ZC3H12B: variants seen among roughly 807,000 people sequenced by gnomAD.
ZC3H12B encodes the protein zinc finger CCCH-type containing 12B, also known as probable ribonuclease ZC3H12B.
ZC3H12B carries 7 observed loss-of-function variants against 43.9 expected under a neutral mutation model. The ratio of observed to expected loss-of-function variants is 0.16; its 90% CI spans 0.09 to 0.30. The LOEUF is 0.30. Among genes scored for constraint, ZC3H12B ranks in the 10% least tolerant of loss-of-function variants. ZC3H12B has a pLI of 1.00. For missense variants in ZC3H12B, 475 were observed against 670.2 expected (o/e 0.71, Z 3.22); for synonymous variants, 222 against 241.7 (o/e 0.92, Z 0.76).
At chrX:65,487,850 C>T (rs779766396), upstream of ZC3H12B, among the ~76,000 whole-genome samples, 1 of 111,750 alleles carries the variant, frequency 8.9e-6, no homozygotes, top group Non-Finnish European at 1.9e-5. Flanking sequence ...GTAAGAGTAA[C>T]GCTGGAGAGC....
At chrX:65,275,857 A>T in the ZC3H12B span, among the ~76,000 whole-genome samples, 2 of 112,217 alleles carry the variant, frequency 1.8e-5, no homozygotes, top group Admixed American at 9.5e-5. Flanking sequence ...ATTGGAAAAT[A>T]TACACGATTT....
At chrX:65,272,948 T>C in the ZC3H12B span, 1 of 112,146 alleles carries the variant, frequency 8.9e-6, no homozygotes, top group Non-Finnish European at 1.9e-5. Context: ...CCTCTGTTGG[T>C]TTCAATTGGT....
chrX:65,239,900 G>GC, the ZC3H12B span, among the ~76,000 whole-genome samples: 1 of 110,804 alleles, frequency 9.0e-6, no homozygotes, highest in Non-Finnish European at 1.9e-5. Flanking sequence ...TTGAATATTG[G>GC]CCCCCCATCT....
the ZC3H12B span, chrX:65,271,283 G>A: frequency 8.9e-6 from 1 of 112,184 alleles, no homozygotes; most frequent in Admixed American, 9.4e-5. Flanking sequence ...ATTCTAGAAG[G>A]CTTTGGGAAA....
chrX:65,494,212 G>A lies in ZC3H12B; in HGVS notation c.609-2920G>A, dbSNP rs752738559. On this transcript the variant is annotated intron_variant, in intron 1 of 4. Transcript: ENST00000338957. ...TCTTTATATTTTATGTATTTTCCAC[G>A]TTTTATACTATAACCATATATTACA... Among the ~76,000 whole-genome samples the A allele has an allele frequency of 6.3e-5, 7 of 110,381 alleles. No homozygotes were observed. The East Asian group carries it at 8.5e-4, about 13-fold the overall frequency.
the ZC3H12B span, among the ~76,000 whole-genome samples, chrX:65,288,985 T>A: frequency 9.0e-6 from 1 of 110,867 alleles, no homozygotes; most frequent in Non-Finnish European, 1.9e-5. Context: ...GACAATCCCA[T>A]TTACAATAGC....
the ZC3H12B span, among the ~76,000 whole-genome samples, chrX:65,296,359 CAG>C: frequency 1.8e-5 from 2 of 110,726 alleles, no homozygotes; most frequent in African/African-American, 3.3e-5. Flanking sequence ...GGGGAAAGGG[CAG>C]AGACTGGCGA....
At chrX:65,194,265 G>T in the ZC3H12B span, among the ~76,000 whole-genome samples, 1 of 78,614 alleles carries the variant, frequency 1.3e-5, no homozygotes, top group South Asian at 1.0e-3. Flanking sequence ...GAGGGGGGAG[G>T]GATAGCATTA....
At chrX:65,163,799 C>A in the ZC3H12B span, among the ~76,000 whole-genome samples, 1 of 111,663 alleles carries the variant, frequency 9.0e-6, no homozygotes, top group African/African-American at 3.3e-5. Flanking sequence ...CACTGTCTGG[C>A]ACTCCCTAGT....
the ZC3H12B span, among the ~76,000 whole-genome samples, chrX:65,125,608 A>G: frequency 9.1e-4 from 100 of 110,296 alleles, no homozygotes; most frequent in Non-Finnish European, 1.7e-3. Flanking sequence ...GTTGCCATCT[A>G]TCTCATTTCT....
chrX:65,238,424 G>T, the ZC3H12B span, among the ~76,000 whole-genome samples: 1 of 111,919 alleles, frequency 8.9e-6, no homozygotes, highest in Admixed American at 9.5e-5. Context: ...TTGTATTTCT[G>T]TGGAGTCAGT....
At chrX:65,251,291 G>A in the ZC3H12B span, among the ~76,000 whole-genome samples, 13 of 111,184 alleles carry the variant, frequency 1.2e-4, no homozygotes, top group Non-Finnish European at 1.9e-4. Flanking sequence ...TGTTCCATTG[G>A]TCTATATCTC....
the ZC3H12B span, among the ~76,000 whole-genome samples, chrX:65,137,935 T>C: frequency 2.0e-4 from 22 of 112,329 alleles, no homozygotes; most frequent in Non-Finnish European, 4.1e-4. Context: ...TTCAAGTGAT[T>C]GTCCTGCCTC....
the ZC3H12B span, among the ~76,000 whole-genome samples, chrX:65,144,964 C>T: frequency 0.013 from 1,460 of 111,794 alleles, 21 homozygotes; most frequent in African/African-American, 0.045. Flanking sequence ...ATACAATGTT[C>T]TGTATTTGTC....
chrX:65,384,311 T>C (rs920625400), intron 2 of ZC3H12B, among the ~76,000 whole-genome samples: 2 of 109,177 alleles, frequency 1.8e-5, no homozygotes, highest in African/African-American at 6.7e-5. Context: ...TAGGTGGGAA[T>C]TGAACAATAA....
the ZC3H12B span, among the ~76,000 whole-genome samples, chrX:65,206,716 TAAC>T: frequency 1.8e-5 from 2 of 111,359 alleles, no homozygotes; most frequent in Non-Finnish European, 3.8e-5. Flanking sequence ...TCAGCAGAGT[TAAC>T]AGACAACCCG....
chrX:65,070,388 C>T, the ZC3H12B span, among the ~76,000 whole-genome samples: 1 of 109,897 alleles, frequency 9.1e-6, no homozygotes, highest in Non-Finnish European at 1.9e-5. Context: ...CTTTTGGGAT[C>T]ATTAGTGTTT....
intron 2 of ZC3H12B, among the ~76,000 whole-genome samples, chrX:65,380,500 A>T (rs1201861277): frequency 8.9e-6 from 1 of 112,049 alleles, no homozygotes; most frequent in Admixed American, 9.5e-5. Flanking sequence ...CCACTGCAAA[A>T]TCATGCCAAA....
At chrX:65,168,500 T>C in the ZC3H12B span, among the ~76,000 whole-genome samples, 1 of 110,707 alleles carries the variant, frequency 9.0e-6, no homozygotes, top group East Asian at 2.8e-4. Context: ...AAATTCTCTT[T>C]TTTTTTTTGT....
Sources: allele counts gnomAD v4.1 joint callset (sites outside exome capture counted in the v4.1 genomes callset), GRCh38; gene constraint gnomAD v4.1.1; transcripts MANE v1.5; gene names NCBI Gene and HGNC (gene_info 2026-07-23, HGNC 2026-07-21).